ABCA1: variants seen among roughly 807,000 people sequenced by gnomAD.
ABCA1 encodes ATP binding cassette subfamily A member 1.
A neutral mutation model predicts 262.5 loss-of-function variants in ABCA1; 133 were observed. The observed-to-expected ratio is 0.51, with a 90% CI of 0.44 to 0.59. The LOEUF (loss-of-function observed/expected upper bound fraction) is 0.59, where lower values mean the gene tolerates loss of function less well. Among genes scored for constraint, ABCA1 ranks in the 20% least tolerant of loss-of-function variants. The probability of loss-of-function intolerance (pLI) is 0.00; values close to 1 mark genes in which losing one functional copy is unlikely to be tolerated. For missense variants in ABCA1, 2,452 were observed against 2,777.5 expected, an observed-to-expected ratio of 0.88 and a Z score of 2.63; for synonymous variants, 1,022 against 1,043.5, an observed-to-expected ratio of 0.98 and a Z score of 0.40.
intron 3 of ABCA1, among the ~76,000 whole-genome samples, chr9:104,888,163 A>C (rs1689696728): frequency 6.6e-6 from 1 of 152,062 alleles, no homozygotes; most frequent in Non-Finnish European, 1.5e-5. Flanking sequence ...TGTGAGAAAG[A>C]TGGGACCAGG....
intron 13 of ABCA1, 58 bp from the exon 14 acceptor site, chr9:104,831,159 A>T (rs1833279121): frequency 6.9e-7 from 1 of 1,445,904 alleles, no homozygotes; most frequent in Admixed American, 2.2e-5. Context: ...TAAAAAAAAA[A>T]AAAAAAAAAA....
At chr9:104,787,004 T>C in intron 46 of ABCA1, 28 bp from the exon 47 acceptor site, 1 of 1,580,124 alleles carries the variant, frequency 6.3e-7, no homozygotes, top group South Asian at 1.1e-5. Flanking sequence ...TAAGTCTTAT[T>C]TGCTGGGGGG....
intron 1 of ABCA1, among the ~76,000 whole-genome samples, chr9:104,921,686 G>C (rs958179529): frequency 6.6e-6 from 1 of 152,076 alleles, no homozygotes; most frequent in Non-Finnish European, 1.5e-5. Context: ...GTTATCTTAA[G>C]TAGTCTTTTA....
chr9:104,919,438 C>T (rs1239714530), intron 1 of ABCA1, among the ~76,000 whole-genome samples: 2 of 152,074 alleles, frequency 1.3e-5, no homozygotes, highest in African/African-American at 2.4e-5. Flanking sequence ...AGTAAAACCC[C>T]GTCTCTATTA....
At chr9:104,834,646 G>A (rs1371376649) in intron 11 of ABCA1, among the ~76,000 whole-genome samples, 3 of 148,872 alleles carry the variant, frequency 2.0e-5, no homozygotes, top group African/African-American at 4.9e-5. Flanking sequence ...TGGGGTGCTC[G>A]TGAGGGGCAG....
chr9:104,842,847 C>T (rs963365440), intron 8 of ABCA1, among the ~76,000 whole-genome samples: 1 of 152,192 alleles, frequency 6.6e-6, no homozygotes, highest in Non-Finnish European at 1.5e-5. Flanking sequence ...ATTCTCATCT[C>T]ACCCAGCAGG....
At chr9:104,862,082 A>C (rs113567439) in intron 5 of ABCA1, among the ~76,000 whole-genome samples, 2 of 151,224 alleles carry the variant, frequency 1.3e-5, no homozygotes, top group African/African-American at 4.9e-5. Context: ...ACACATACAC[A>C]CACACACAGC....
intron 37 of ABCA1, 117 bp from the exon 38 acceptor site, chr9:104,796,541 T>C: frequency 1.3e-6 from 1 of 778,694 alleles, no homozygotes. Context: ...AGAGTAACTC[T>C]GAATTAATGA....
chr9:104,838,600 G>A (rs7020957), intron 9 of ABCA1, among the ~76,000 whole-genome samples: 2,196 of 148,368 alleles, frequency 0.015, 46 homozygotes, highest in African/African-American at 0.05. Flanking sequence ...CTGGGCAACG[G>A]AGCGAGACTC....
chr9:104,800,969 CT>C (rs376525668), intron 34 of ABCA1, among the ~76,000 whole-genome samples: 103 of 152,162 alleles, frequency 6.8e-4, no homozygotes, highest in African/African-American at 2.4e-3. Context: ...CAAAAGCAGA[CT>C]TGTGGACTCT....
intron 7 of ABCA1, chr9:104,855,229 C>T (rs1364846728): frequency 1.1e-6 from 1 of 879,966 alleles, no homozygotes; most frequent in African/African-American, 1.8e-5. Context: ...CAGAGTCTCA[C>T]TCTGTCACGC....
At chr9:104,796,872 C>T (rs934885853) in intron 37 of ABCA1, among the ~76,000 whole-genome samples, 9 of 152,172 alleles carry the variant, frequency 5.9e-5, no homozygotes, top group African/African-American at 2.2e-4. Flanking sequence ...AGAATTGTTT[C>T]ATCGCACTGA....
chr9:104,821,242 AAAAAAAT>A (rs1832313462), intron 20 of ABCA1, 126 bp downstream of exon 20: 1 of 1,301,640 alleles, frequency 7.7e-7, no homozygotes, highest in Non-Finnish European at 1.0e-6. Context: ...ACTCCATCTC[AAAAAAAT>A]AAAAAAGAAA....
At chr9:104,859,402 T>G (rs986976583) in intron 6 of ABCA1, among the ~76,000 whole-genome samples, 1 of 144,462 alleles carries the variant, frequency 6.9e-6, no homozygotes, top group Non-Finnish European at 1.5e-5. Context: ...ACCACAAGCT[T>G]TGAAAGAAGA....
intron 5 of ABCA1, among the ~76,000 whole-genome samples, chr9:104,876,505 A>G (rs1032337594): frequency 6.6e-6 from 1 of 152,214 alleles, no homozygotes; most frequent in Non-Finnish European, 1.5e-5. Context: ...AGATTTCAGA[A>G]TATGGGAGAG....
At chr9:104,926,585 G>GC (rs928106874) in intron 1 of ABCA1, among the ~76,000 whole-genome samples, 1 of 152,260 alleles carries the variant, frequency 6.6e-6, no homozygotes, top group African/African-American at 2.4e-5. Flanking sequence ...ACCTAGTAGA[G>GC]CCGGCCGATT....
chr9:104,814,253 C>A (rs769987243), intron 26 of ABCA1, 22 bp from the exon 27 acceptor site: 3 of 1,610,284 alleles, frequency 1.9e-6, no homozygotes, highest in Non-Finnish European at 2.5e-6. Flanking sequence ...AGGAAAGAAT[C>A]CCATACTTTA....
intron 27 of ABCA1, among the ~76,000 whole-genome samples, 153 bp from the exon 28 acceptor site, chr9:104,812,875 G>A (rs1831403357): frequency 6.6e-6 from 1 of 152,220 alleles, no homozygotes; most frequent in Non-Finnish European, 1.5e-5. Flanking sequence ...ACAAAGCTAT[G>A]TCCAAGGAAA....
At chr9:104,881,514 G>A in intron 5 of ABCA1, among the ~76,000 whole-genome samples, 1 of 152,162 alleles carries the variant, frequency 6.6e-6, no homozygotes, top group East Asian at 1.9e-4. Flanking sequence ...TGCTTCCTAT[G>A]TGCCAAATAC....
Sources: allele counts gnomAD v4.1 joint callset (sites outside exome capture counted in the v4.1 genomes callset), GRCh38; gene constraint gnomAD v4.1.1; transcripts MANE v1.5; gene names NCBI Gene and HGNC (gene_info 2026-07-23, HGNC 2026-07-21).